Variants in SPAST observed in about 807,000 individuals in gnomAD.
SPAST encodes spastic paraplegia 4 (autosomal dominant; spastin).
A neutral mutation model predicts 76.6 loss-of-function variants in SPAST; 30 were observed. That is an observed-to-expected ratio of 0.39 (90% CI 0.29 to 0.53). The LOEUF (loss-of-function observed/expected upper bound fraction) is 0.53, where lower values mean the gene tolerates loss of function less well. SPAST is among the 20% of genes least tolerant of loss of function. SPAST has a pLI of 0.68. For missense variants in SPAST, 717 were observed against 770.5 expected (o/e 0.93, Z 0.82); for synonymous variants, 305 against 281.0 (o/e 1.09, Z -0.86).
chr2:32,137,135 A>G lies in SPAST; in HGVS notation c.1440A>G (p.Val480=). The G allele has an allele frequency of 1.2e-6, 2 of 1,614,014 alleles. No individual in the cohort carries two copies. Among genetic ancestry groups the G allele is most frequent in the East Asian group, 2.2e-5 (1 of 44,846 alleles). The part of the protein sequence containing the change: ...DGVQSAGDDR[V]LVMGATNRPQ... ...TACAGTCTGCTGGAGATGACAGAGT[A>G]CTTGTAATGGGTGCAACTAATAGGC... The change falls in exon 12 of 17, where the codon GTA becomes GTG. Residue 480 remains valine, a synonymous_variant. Transcript: ENST00000315285.
chr2:32,080,543 A>G (rs999416359), intron 1 of SPAST, among the ~76,000 whole-genome samples: 8 of 151,676 alleles, frequency 5.3e-5, no homozygotes, highest in Non-Finnish European at 7.4e-5. Context: ...TGAGTGTTAT[A>G]TGGGGTCATA....
intron 15 of SPAST, among the ~76,000 whole-genome samples, chr2:32,145,944 G>A (rs1469144485): frequency 6.6e-6 from 1 of 152,202 alleles, no homozygotes; most frequent in Non-Finnish European, 1.5e-5. Context: ...TGTTATCATA[G>A]TGTCTACTGT....
chr2:32,130,306 AAAAC>A (rs1679327345), intron 9 of SPAST: 1 of 151,072 alleles, frequency 6.6e-6, no homozygotes, highest in East Asian at 2.0e-4. Flanking sequence ...AAAACAAAAC[AAAAC>A]AAACTTTTAT....
At chr2:32,064,746 A>C (rs1234417052) in intron 1 of SPAST, among the ~76,000 whole-genome samples, 1 of 152,252 alleles carries the variant, frequency 6.6e-6, no homozygotes, top group African/African-American at 2.4e-5. Flanking sequence ...ACTGCAGTTG[A>C]ATTTGCATCA....
chr2:32,089,574 G>A lies in SPAST; in HGVS notation c.555G>A (p.Leu185=). 6.2e-7 allele frequency: 1 copy of A among 1,603,390 alleles called. No homozygotes were observed. Among genetic ancestry groups the A allele is most frequent in the South Asian group, 1.1e-5 (1 of 90,846 alleles). The change falls in exon 3 of 17, where the codon TTG becomes TTA. Residue 185 remains leucine, a synonymous_variant. Coordinates refer to ENST00000315285, the MANE Select transcript of SPAST (RefSeq NM_014946.4). Reference sequence around the variant, plus strand: ...TTCAAGCTAAAATGATGACTAATTTGGTTATGGCCAAGGACCGCTTACAAC... The same window carrying A: ...TTCAAGCTAAAATGATGACTAATTTAGTTATGGCCAAGGACCGCTTACAAC... The part of the protein sequence containing the change: ...RRLQAKMMTN[L]VMAKDRLQLL...
intron 3 of SPAST, among the ~76,000 whole-genome samples, chr2:32,096,068 C>T (rs1341198778): frequency 1.3e-5 from 2 of 152,208 alleles, no homozygotes; most frequent in East Asian, 3.9e-4. Context: ...AGCAAAGTTA[C>T]TGCTTTAATT....
At chr2:32,148,913 G>A (rs1679983976) in intron 16 of SPAST, among the ~76,000 whole-genome samples, 1 of 150,124 alleles carries the variant, frequency 6.7e-6, no homozygotes, top group African/African-American at 2.4e-5. Flanking sequence ...GGCAGAGGTT[G>A]CAGTGAGCCA....
rs1259072587 is a variant in SPAST at position 32,154,383 on chromosome 2, A to G, written c.1738A>G (p.Ile580Val). 5 of 1,613,044 alleles carry G rather than the reference A, an allele frequency of 3.1e-6. No homozygotes were observed. Among genetic ancestry groups the G allele is most frequent in the Non-Finnish European group, 4.2e-6 (5 of 1,179,156 alleles). Reference protein sequence around the residue: ...KNMSASEMRNIRLSDFTESLK... With the variant: ...KNMSASEMRNVRLSDFTESLK... ...CTTTTTAAAAATCTAGATGAGAAATATTCGATTATCTGACTTCACTGAATC... is the reference window on the plus strand; with the variant it reads ...CTTTTTAAAAATCTAGATGAGAAATGTTCGATTATCTGACTTCACTGAATC... Residue 580 changes from isoleucine (I) to valine (V), a missense_variant, in exon 17 of 17, where the codon ATT becomes GTT. By Grantham distance (29) the Ile-to-Val change is conservative. Around this residue, in one of 3 missense-constraint regions of SPAST, gnomAD observed 96 missense variants for 127.6 expected, o/e 0.75. Transcript: ENST00000315285.
intron 2 of SPAST, among the ~76,000 whole-genome samples, chr2:32,088,017 A>G (rs1486872949): frequency 6.6e-6 from 1 of 151,858 alleles, no homozygotes; most frequent in Non-Finnish European, 1.5e-5. Context: ...ACTCCTGAGT[A>G]GCTGGGATTA....
intron 3 of SPAST, among the ~76,000 whole-genome samples, chr2:32,097,936 G>A (rs937314958): frequency 6.6e-6 from 1 of 151,820 alleles, no homozygotes; most frequent in African/African-American, 2.4e-5. Flanking sequence ...CTGACCTCCT[G>A]ATCTGCCTGC....
intron 16 of SPAST, among the ~76,000 whole-genome samples, chr2:32,147,812 T>C (rs1302638922): frequency 1.3e-5 from 2 of 151,374 alleles, no homozygotes; most frequent in Non-Finnish European, 2.9e-5. Context: ...TTTGTACTTT[T>C]AGTAGAGACG....
At position 32,063,727 on chromosome 2, in the gene SPAST, C is replaced by CCG; in HGVS notation, c.-105_-104insCG. 6.9e-7 allele frequency: 1 copy of CCG among 1,445,324 alleles called. No homozygotes were observed. Among genetic ancestry groups the CCG allele is most frequent in the Non-Finnish European group, 9.2e-7 (1 of 1,082,314 alleles). The allele number at this position is 1,445,324 out of a possible 1,614,324, so 89.5% of individuals were successfully genotyped here. A position where few individuals can be genotyped will look rare whatever the true frequency, so the allele number is the denominator to read the frequency against. The stretch of plus-strand genomic sequence containing the variant: ...GCGGAGCTCCTGAGACCGGCGGGCA[C>CCG]ACGGGGGTCTGTGGCCCCCGCCGTA... On this transcript the variant is annotated 5_prime_UTR_variant, in exon 1 of 17. Coordinates refer to ENST00000315285, the MANE Select transcript of SPAST (RefSeq NM_014946.4).
intron 3 of SPAST, among the ~76,000 whole-genome samples, chr2:32,090,672 T>C (rs1023676869): frequency 2.6e-5 from 4 of 152,238 alleles, no homozygotes; most frequent in Non-Finnish European, 5.9e-5. Flanking sequence ...TACAGGTTCA[T>C]CTGTTTTTCA....
chr2:32,081,385 C>T (rs749041690), intron 1 of SPAST, among the ~76,000 whole-genome samples: 15 of 152,190 alleles, frequency 9.9e-5, no homozygotes, highest in Non-Finnish European at 1.6e-4. Flanking sequence ...TGAGCCACCA[C>T]GCCTGGCTGT....
Position 32,081,781 on chromosome 2 carries a change from CAAAAAA to C in SPAST, c.416-5693_416-5688del, listed in dbSNP as rs34078147. Reference sequence around the variant, plus strand: ...CCTGGGCGACAGAGTGAGACACTGTCAAAAAAAAAAAAAAAAAAAAAAAGGAAAGAA... The same window carrying C: ...CCTGGGCGACAGAGTGAGACACTGTCAAAAAAAAAAAAAAAAAGGAAAGAA... On this transcript the variant is annotated intron_variant, in intron 1 of 16. Transcript: ENST00000315285. Among the ~76,000 whole-genome samples, 9 of 44,388 alleles carry C rather than the reference CAAAAAA, an allele frequency of 2.0e-4. No homozygotes were observed. In the East Asian group the frequency reaches 4.7e-3, roughly 23 times the overall value. 29.1% of individuals were successfully genotyped at this position (44,388 alleles called of 152,430 possible).
At chr2:32,107,331 A>T (rs563848485) in intron 4 of SPAST, among the ~76,000 whole-genome samples, 1 of 152,032 alleles carries the variant, frequency 6.6e-6, no homozygotes, top group Admixed American at 6.6e-5. Flanking sequence ...AGCCTCCCCT[A>T]ACCCCATCCC....
At chr2:32,125,735 C>G (rs1467174234) in intron 7 of SPAST, among the ~76,000 whole-genome samples, 1 of 152,054 alleles carries the variant, frequency 6.6e-6, no homozygotes, top group East Asian at 1.9e-4. Context: ...TGATTGGTAC[C>G]TGCTTGACTG....
intron 15 of SPAST, 101 bp from the exon 16 acceptor site, chr2:32,147,117 C>T (rs1200354031): frequency 1.1e-5 from 9 of 785,784 alleles, no homozygotes; most frequent in Non-Finnish European, 1.9e-5. Context: ...ATGATTTGTA[C>T]TGAATAGATA....
chr2:32,112,761 A>T (rs1054403160), intron 4 of SPAST, among the ~76,000 whole-genome samples: 1 of 152,088 alleles, frequency 6.6e-6, no homozygotes. Flanking sequence ...CTGATTTCCT[A>T]TACTAGTTTA....
Sources: gnomAD v4.1 joint callset for allele counts (sites outside exome capture counted in the v4.1 genomes callset) on GRCh38, gnomAD v4.1.1 for gene constraint, gnomAD v4.1.1 regional missense constraint, MANE v1.5 for transcripts, NCBI Gene and HGNC (gene_info 2026-07-23, HGNC 2026-07-21) for gene names.